Variants in CCDC170 observed in about 807,000 individuals in gnomAD.
CCDC170 encodes the protein coiled-coil domain containing 170.
Under a neutral mutation model 72.6 loss-of-function variants are expected in CCDC170, and 69 were observed. The ratio of observed to expected loss-of-function variants is 0.95; its 90% confidence interval spans 0.78 to 1.16. The LOEUF is 1.16. CCDC170 is among the 50% of genes most tolerant of loss of function. The pLI, the probability that CCDC170 is intolerant of heterozygous loss-of-function variation, is 0.00. For missense variants in CCDC170, 852 were observed against 832.5 expected (o/e 1.02, Z -0.29); for synonymous variants, 300 against 303.9 (o/e 0.99, Z 0.13).
intron 1 of CCDC170, among the ~76,000 whole-genome samples, chr6:151,515,868 C>T (rs532084844): frequency 4.1e-4 from 63 of 152,088 alleles, no homozygotes; most frequent in Non-Finnish European, 7.2e-4. Flanking sequence ...GAGATCAAGA[C>T]CATCCTGGCC....
intron 1 of CCDC170, among the ~76,000 whole-genome samples, chr6:151,527,034 A>T (rs906960615): frequency 7.2e-6 from 1 of 139,066 alleles, no homozygotes. Context: ...AGAGGTGTGC[A>T]CCACCATGCT....
At chr6:151,548,579 T>C (rs1782817824) in intron 5 of CCDC170, 90 bp downstream of exon 5, 10 of 1,156,426 alleles carry the variant, frequency 8.6e-6, no homozygotes, top group Non-Finnish European at 1.0e-5. Context: ...GCCCTAGAAC[T>C]ACTGATTACG....
At chr6:151,535,066 G>C (rs1199858643) in intron 1 of CCDC170, among the ~76,000 whole-genome samples, 1 of 152,194 alleles carries the variant, frequency 6.6e-6, no homozygotes. Flanking sequence ...GATGGAAACA[G>C]GACCAGAGGG....
At chr6:151,527,769 A>C (rs1782433412) in intron 1 of CCDC170, among the ~76,000 whole-genome samples, 1 of 152,168 alleles carries the variant, frequency 6.6e-6, no homozygotes, top group African/African-American at 2.4e-5. Context: ...GCCTGCGGTA[A>C]TACAATTGTG....
chr6:151,538,286 T>C lies in CCDC170; in HGVS notation c.428T>C (p.Leu143Ser), dbSNP rs750880537. ...GAATTAAAGAAGAAAGTTGTAGAGT[T>C]AAATGAAAAATTACAGTAAGGATAC... is the stretch of plus-strand genomic sequence containing the variant. ...NQELKKKVVELNEKLQKCSKE... is the reference protein window; with the variant it reads ...NQELKKKVVESNEKLQKCSKE... Residue 143 changes from leucine (L) to serine (S), a missense_variant, in exon 3 of 11, where the codon TTA becomes TCA. Physicochemically the swap from Leu to Ser is moderately radical, Grantham distance 145. Transcript: ENST00000239374. 2.5e-6 allele frequency: 4 copies of C among 1,613,052 alleles called. No individual in the cohort carries two copies. Among genetic ancestry groups the C allele is most frequent in the Non-Finnish European group, 3.4e-6 (4 of 1,179,666 alleles).
intron 7 of CCDC170, 57 bp from the exon 8 acceptor site, chr6:151,593,050 G>A (rs1013914549): frequency 2.6e-6 from 4 of 1,548,220 alleles, no homozygotes; most frequent in Non-Finnish European, 2.7e-6. Context: ...GATTCTGTGA[G>A]ATCACTCATT....
intron 9 of CCDC170, among the ~76,000 whole-genome samples, chr6:151,614,077 A>T (rs1363211573): frequency 6.6e-6 from 1 of 152,190 alleles, no homozygotes; most frequent in Non-Finnish European, 1.5e-5. Context: ...TGTCTGTGTG[A>T]AGTTGCTTCA....
chr6:151,496,941 C>T (rs1183568460), intron 1 of CCDC170, among the ~76,000 whole-genome samples: 2 of 152,204 alleles, frequency 1.3e-5, no homozygotes, highest in South Asian at 2.1e-4. Context: ...TATTAGCTAT[C>T]GTTATTCTTT....
At chr6:151,539,718 A>G (rs1380862995) in intron 3 of CCDC170, among the ~76,000 whole-genome samples, 1 of 152,224 alleles carries the variant, frequency 6.6e-6, no homozygotes, top group African/African-American at 2.4e-5. Flanking sequence ...CTCAAGAACC[A>G]CATATCTTAC....
chr6:151,532,150 G>A (rs1008542985), intron 1 of CCDC170, among the ~76,000 whole-genome samples: 1 of 130,332 alleles, frequency 7.7e-6, no homozygotes, highest in African/African-American at 2.5e-5. Flanking sequence ...CAAAACCCAG[G>A]AGAATCTATT....
chr6:151,596,723 A>G (rs749968057), intron 9 of CCDC170, 146 bp downstream of exon 9: 525 of 1,118,050 alleles, frequency 4.7e-4, no homozygotes, highest in Non-Finnish European at 6.0e-4. Context: ...AAAAATGCAA[A>G]AATGACACAA....
intron 1 of CCDC170, among the ~76,000 whole-genome samples, chr6:151,504,982 G>T (rs1179335124): frequency 1.3e-5 from 2 of 152,076 alleles, no homozygotes; most frequent in African/African-American, 4.8e-5. Flanking sequence ...AGTAGAGAAT[G>T]GGGGCGTGAG....
chr6:151,579,522 G>A lies in CCDC170; in HGVS notation c.1092+6031G>A, dbSNP rs7749563. Among the ~76,000 whole-genome samples the A allele has an allele frequency of 1.6e-3, 241 of 152,010 alleles. 3 individuals are homozygous for A. The highest frequency in any genetic ancestry group is 5.6e-3 in the African/African-American group (232 of 41,414). Reference sequence around the variant, plus strand: ...GCAGGTATCCCCTGCAAATTTCAGCGATCTACGTATTAGTGGTTTTAAAGT... The same window carrying A: ...GCAGGTATCCCCTGCAAATTTCAGCAATCTACGTATTAGTGGTTTTAAAGT... On this transcript the variant is annotated intron_variant, in intron 6 of 10. Coordinates refer to ENST00000239374, the MANE Select transcript of CCDC170 (RefSeq NM_025059.4).
chr6:151,524,250 A>G (rs934038002), intron 1 of CCDC170, among the ~76,000 whole-genome samples: 6 of 152,202 alleles, frequency 3.9e-5, no homozygotes, highest in African/African-American at 1.4e-4. Context: ...AAGTTCCCTT[A>G]TCTGTGCCTG....
intron 4 of CCDC170, among the ~76,000 whole-genome samples, chr6:151,545,992 A>T (rs1782766163): frequency 6.6e-6 from 1 of 151,810 alleles, no homozygotes; most frequent in South Asian, 2.1e-4. Context: ...TGCCCGGGCT[A>T]GTCTCTAACT....
chr6:151,535,738 T>C (rs199640549), intron 1 of CCDC170, among the ~76,000 whole-genome samples: 1 of 151,988 alleles, frequency 6.6e-6, no homozygotes, highest in Non-Finnish European at 1.5e-5. Flanking sequence ...GGAAGGAAAA[T>C]CTTTTTTTGT....
At chr6:151,505,834 T>C (rs760274685) in intron 1 of CCDC170, among the ~76,000 whole-genome samples, 13 of 152,208 alleles carry the variant, frequency 8.5e-5, no homozygotes, top group Non-Finnish European at 1.6e-4. Flanking sequence ...TGGTGGCTCA[T>C]GCTTATAATC....
intron 6 of CCDC170, among the ~76,000 whole-genome samples, chr6:151,581,632 C>G (rs1219956986): frequency 2.0e-5 from 3 of 152,162 alleles, no homozygotes. Context: ...GTAGTGAATC[C>G]TTTCCAGAAG....
intron 1 of CCDC170, among the ~76,000 whole-genome samples, chr6:151,511,614 T>C (rs1321621875): frequency 1.3e-5 from 2 of 152,310 alleles, no homozygotes; most frequent in East Asian, 3.9e-4. Flanking sequence ...CATTTATTAA[T>C]GCCCAACATA....
Sources: gnomAD v4.1 joint callset for allele counts (sites outside exome capture counted in the v4.1 genomes callset) on GRCh38, gnomAD v4.1.1 for gene constraint, MANE v1.5 for transcripts, NCBI Gene and HGNC (gene_info 2026-07-23, HGNC 2026-07-21) for gene names.